The following NUMA1 variants were observed in gnomAD, a reference collection of about 807,000 sequenced individuals.
The protein encoded by NUMA1 is nuclear mitotic apparatus protein 1, also known as SP-H antigen.
NUMA1 carries 62 observed loss-of-function variants against 237.1 expected under a neutral mutation model. That is an observed-to-expected ratio of 0.26 (90% CI 0.21 to 0.32). The LOEUF (loss-of-function observed/expected upper bound fraction) is 0.32, where lower values mean the gene tolerates loss of function less well. Ranked by LOEUF, NUMA1 falls within the 10% of genes least tolerant of loss-of-function variation. NUMA1 has a pLI of 1.00. For missense variants in NUMA1, 2,533 were observed against 2,666.5 expected (o/e 0.95, Z 1.10); for synonymous variants, 1,028 against 1,066.1 (o/e 0.96, Z 0.70).
chr11:72,044,126 C>A (rs968593534), intron 2 of NUMA1, among the ~76,000 whole-genome samples: 125 of 152,234 alleles, frequency 8.2e-4, no homozygotes, highest in African/African-American at 2.7e-3. Context: ...TATTGAGCCA[C>A]AAGATTAAAT....
In NUMA1 at chr11:72,014,556, G is replaced by A. The variant is rs767012823; in HGVS notation, c.2947C>T (p.Arg983Trp). The A allele has an allele frequency of 3.7e-5, 60 of 1,603,036 alleles. No individual in the cohort carries two copies. The highest frequency in any genetic ancestry group is 1.8e-4 in the East Asian group (8 of 44,888). The change falls in exon 15 of 27, where the codon CGG becomes TGG. Residue 983 changes from arginine to tryptophan, a missense_variant. Physicochemically the swap from Arg to Trp is moderately radical, Grantham distance 101. Coordinates refer to ENST00000393695, the MANE Select transcript of NUMA1 (RefSeq NM_006185.4). The surrounding 1 kb of genome is among the most constrained non-coding windows in gnomAD (Gnocchi z 4.6). ...EAEQMGNELE[R>W]LRAALMESQG... ...CTCTCCATCAGCGCGGCCCGCAGCC[G>A]TTCCAGCTCATTGCCCATCTGCTCT...
rs1956253104 is a variant in NUMA1, at chr11:72,012,972, T to C, written c.4531A>G (p.Lys1511Glu). 1 of 1,614,142 alleles carries C rather than the reference T, an allele frequency of 6.2e-7. No individual in the cohort carries two copies. Among genetic ancestry groups the C allele is most frequent in the Non-Finnish European group, 8.5e-7 (1 of 1,180,026 alleles). The stretch of plus-strand genomic sequence containing the variant: ...ACCTTGACCTTGGCACCCTCATACT[T>C]GGCAGTCATCACCTCCAGCTCCCGG... ...TARELEVMTA[K>E]YEGAKVKVLE... Residue 1511 changes from lysine (K) to glutamate (E), a missense_variant, in exon 15 of 27, where the codon AAG (lysine) becomes GAG (glutamate). Coordinates refer to ENST00000393695, the MANE Select transcript of NUMA1 (RefSeq NM_006185.4).
chr11:72,066,423 C>T (rs1371630619), intron 2 of NUMA1: 6 of 152,016 alleles, frequency 3.9e-5, no homozygotes, highest in Non-Finnish European at 7.4e-5. Context: ...CTTAGCATAA[C>T]GCTTAAGGTT....
rs1371723735 is a variant in NUMA1 at position 72,012,938 on chromosome 11, T to A, written c.4565A>T (p.Glu1522Val). ...CCTCTCTTCCTGGAACCGCTGCCTC[T>A]CCTCCAGGACCTTGACCTTGGCACC... ...YEGAKVKVLE[E>V]RQRFQEERQK... is the part of the protein sequence containing the mutation. Residue 1522 changes from glutamate (E) to valine (V), a missense_variant, in exon 15 of 27, where the codon GAG becomes GTG. Physicochemically the swap from Glu to Val is moderately radical, Grantham distance 121. Coordinates refer to ENST00000393695, the MANE Select transcript of NUMA1 (RefSeq NM_006185.4). The A allele has an allele frequency of 6.2e-7, 1 of 1,614,030 alleles. No homozygotes were observed. Among genetic ancestry groups the A allele is most frequent in the African/African-American group, 1.3e-5 (1 of 74,920 alleles).
chr11:72,049,560 A>AAATATATATATATATATATATATATATAT, intron 2 of NUMA1: 1 of 41,016 alleles, frequency 2.4e-5, no homozygotes, highest in African/African-American at 8.4e-5. Flanking sequence ...AAATAATAAT[A>AAATATATATATATATATATATATATATAT]ATATATATAT....
chr11:72,026,575 T>C (rs1026895145), intron 4 of NUMA1, among the ~76,000 whole-genome samples: 5 of 152,148 alleles, frequency 3.3e-5, no homozygotes, highest in African/African-American at 1.2e-4. Context: ...GAGGGGTTGA[T>C]CCCAGTTAAT....
chr11:72,045,479 T>C (rs147831468), intron 2 of NUMA1, among the ~76,000 whole-genome samples: 1 of 152,302 alleles, frequency 6.6e-6, no homozygotes, highest in East Asian at 1.9e-4. Context: ...GTTTGGGTTT[T>C]TGTTGTTTTT....
At chr11:72,029,618 A>G (rs1424729315) in intron 3 of NUMA1, among the ~76,000 whole-genome samples, 3 of 152,252 alleles carry the variant, frequency 2.0e-5, no homozygotes, top group Non-Finnish European at 2.9e-5. Context: ...GGAACTTGAC[A>G]GCAGGGAGTC....
intron 8 of NUMA1, chr11:72,020,594 C>T (rs190801448): frequency 3.3e-5 from 5 of 152,216 alleles, no homozygotes; most frequent in Admixed American, 1.3e-4. Flanking sequence ...GACTGTGGGC[C>T]GGGCGCAGTG....
Position 72,019,586 on chromosome 11 carries a change from G to C in NUMA1, c.492C>G (p.Phe164Leu). The C allele has an allele frequency of 6.2e-7, 1 of 1,613,914 alleles. No homozygotes were observed. Reference protein sequence around the residue: ...APVPSTCSSTFPEELSPPSHQ... With the variant: ...APVPSTCSSTLPEELSPPSHQ... ...GGCTAGGTGGGGAGAGCTCTTCAGG[G>C]AATGTGCTAGAACAGGTAGAAGGCA... Residue 164 changes from phenylalanine to leucine, a missense_variant, in exon 9 of 27, where the codon TTC (phenylalanine) becomes TTG (leucine). Physicochemically the swap from Phe to Leu is conservative, Grantham distance 22 (BLOSUM62 0). Coordinates refer to ENST00000393695, the MANE Select transcript of NUMA1 (RefSeq NM_006185.4).
intron 2 of NUMA1, among the ~76,000 whole-genome samples, chr11:72,048,566 T>C (rs1942137126): frequency 6.6e-6 from 1 of 151,988 alleles, no homozygotes; most frequent in Admixed American, 6.6e-5. Context: ...AGAGATGGCG[T>C]TTCACCATGT....
In NUMA1 at chr11:72,013,704, C is replaced by T; in HGVS notation, c.3799G>A (p.Glu1267Lys). ...TCTGCCTGCAGCAGGCGCAGCCTCTCCTCCAGCTTCTGGCTCTTCTCTGAC... is the reference window on the plus strand; with the variant it reads ...TCTGCCTGCAGCAGGCGCAGCCTCTTCTCCAGCTTCTGGCTCTTCTCTGAC... ...AESEKSQKLEERLRLLQAETA... is the reference protein window; with the variant it reads ...AESEKSQKLEKRLRLLQAETA... The change falls in exon 15 of 27, where the codon GAG (glutamate) becomes AAG (lysine). Residue 1267 changes from glutamate to lysine, a missense_variant. By Grantham distance (56) the Glu-to-Lys change is moderately conservative. Around this residue, in one of 3 missense-constraint regions of NUMA1, gnomAD observed 324 missense variants for 407.6 expected, o/e 0.79. Coordinates refer to ENST00000393695, the MANE Select transcript of NUMA1 (RefSeq NM_006185.4). This position sits in a 1 kb window ranked among gnomAD's most constrained non-coding sequence, Gnocchi z 6.8. 6.2e-7 allele frequency: 1 copy of T among 1,609,652 alleles called. No individual in the cohort carries two copies. The highest frequency in any genetic ancestry group is 1.1e-5 in the South Asian group (1 of 91,084).
rs1260692488 is a variant in NUMA1 at position 72,004,308 on chromosome 11, T to C, written c.6040A>G (p.Met2014Val). ...CCTTCATGTCGGTCTCGGGGAGTCA[T>C]GGGGCGTGGGAAACAGCTGGTGGCC... ...KKATSCFPRP[M>V]TPRDRHEGRK... is the part of the protein sequence containing the mutation. Residue 2014 changes from methionine to valine, a missense_variant, in exon 25 of 27, where the codon ATG becomes GTG. Transcript: ENST00000393695. 5 of 1,613,058 alleles carry C rather than the reference T, an allele frequency of 3.1e-6. No homozygotes were observed. The highest frequency in any genetic ancestry group is 1.6e-4 in the Middle Eastern group (1 of 6,070).
chr11:72,008,274 C>T (rs1455171947), intron 20 of NUMA1: 1 of 372,416 alleles, frequency 2.7e-6, no homozygotes, highest in African/African-American at 2.1e-5. Context: ...CAAATTCTTC[C>T]AAGGTTCCTT....
intron 2 of NUMA1, chr11:72,041,197 A>C (rs922789208): frequency 6.6e-6 from 1 of 152,004 alleles, no homozygotes; most frequent in African/African-American, 2.4e-5. Context: ...TCTGGGAGCG[A>C]CAGCAAGCAG....
At position 72,038,669 on chromosome 11, in the gene NUMA1, C is replaced by T. The variant is rs569601289; in HGVS notation, c.-32-2694G>A. 1.9e-4 allele frequency among the ~76,000 whole-genome samples: 29 copies of T among 152,136 alleles called. No individual in the cohort carries two copies. In the East Asian group the frequency reaches 5.6e-3, roughly 29 times the overall value. On this transcript the variant is annotated intron_variant, in intron 2 of 26. Coordinates refer to ENST00000393695, the MANE Select transcript of NUMA1 (RefSeq NM_006185.4). Reference sequence around the variant, plus strand: ...CCTCCCCCTGAAATCTGAGGCAGGCCCCACCCAGTACACTGGGTGATGCTG... The same window carrying T: ...CCTCCCCCTGAAATCTGAGGCAGGCTCCACCCAGTACACTGGGTGATGCTG...
rs375276945 is a variant in NUMA1 at position 72,007,239 on chromosome 11, G to A, written c.5413C>T (p.Arg1805Cys). The A allele has an allele frequency of 2.9e-5, 47 of 1,612,984 alleles. No homozygotes were observed. The highest frequency in any genetic ancestry group is 1.3e-4 in the Admixed American group (8 of 59,988). ...DVFLDSGRKT[R>C]SARRRTTQII... ...TGCGTGGTGCGCCGACGAGCGGAGC[G>A]GGTCTTACGACCCGAGTCCAGGAAG... Residue 1805 changes from arginine to cysteine, a missense_variant, in exon 21 of 27, where the codon CGC (arginine) becomes TGC (cysteine). Physicochemically the swap from Arg to Cys is radical, Grantham distance 180. This residue lies in a region of NUMA1 where 795 missense variants were observed against 750.8 expected (regional missense o/e 1.06). Transcript: ENST00000393695.
Position 72,004,077 on chromosome 11 carries a change from G to C in NUMA1, c.6146C>G (p.Ala2049Gly). Residue 2049 changes from alanine (A) to glycine (G), a missense_variant, in exon 26 of 27, where the codon GCC (alanine) becomes GGC (glycine). Ala to Gly is a moderately conservative substitution (Grantham distance 60). This residue lies in a region of NUMA1 where 795 missense variants were observed against 750.8 expected (regional missense o/e 1.06). Transcript: ENST00000393695. ...CTTGGGTGTGTTGAGGATGCTGAAGGCCATCGACTGGCGCCGGTCAGCCTG... is the reference window on the plus strand; with the variant it reads ...CTTGGGTGTGTTGAGGATGCTGAAGCCCATCGACTGGCGCCGGTCAGCCTG... ...TKQADRRQSM[A>G]FSILNTPKKL... 1 of 1,613,090 alleles carries C rather than the reference G, an allele frequency of 6.2e-7. No individual in the cohort carries two copies. Among genetic ancestry groups the C allele is most frequent in the African/African-American group, 1.3e-5 (1 of 75,006 alleles).
At position 72,070,548 on chromosome 11, in the gene NUMA1, C is replaced by T. The variant is rs185175280; in HGVS notation, c.-102-637G>A. On this transcript the variant is annotated intron_variant, in intron 1 of 26. Coordinates refer to ENST00000393695, the MANE Select transcript of NUMA1 (RefSeq NM_006185.4). ...CCAGGCAAGGCCCAGTGGCTCACAG[C>T]GGTAATCCCAGCACTTTGGGAAGCC... Among the ~76,000 whole-genome samples, 64 of 152,310 alleles carry T rather than the reference C, an allele frequency of 4.2e-4. 1 individual carries two copies. Among genetic ancestry groups the T allele is most frequent in the Admixed American group, 7.2e-4 (11 of 15,300 alleles).
Sources: gnomAD v4.1 joint callset for allele counts (sites outside exome capture counted in the v4.1 genomes callset) on GRCh38, gnomAD v4.1.1 for gene constraint, gnomAD v4.1.1 regional missense constraint, Gnocchi (gnomAD v3.1) non-coding constraint, MANE v1.5 for transcripts, NCBI Gene and HGNC (gene_info 2026-07-23, HGNC 2026-07-21) for gene names.